Variants in CAPN7 observed in about 807,000 individuals in gnomAD.
CAPN7 encodes calpain-7.
CAPN7 carries 72 observed loss-of-function variants against 115.2 expected under a neutral mutation model. The ratio of observed to expected loss-of-function variants is 0.63; its 90% CI spans 0.52 to 0.76. The LOEUF is 0.76. Among genes scored for constraint, CAPN7 ranks in the 30% least tolerant of loss-of-function variants. CAPN7 has a pLI of 0.00. For missense variants in CAPN7, 905 were observed against 971.5 expected, an observed-to-expected ratio of 0.93 and a Z score of 0.91; for synonymous variants, 344 against 322.3, an observed-to-expected ratio of 1.07 and a Z score of -0.72.
chr3:15,206,476 C>T lies in CAPN7; in HGVS notation c.-20C>T. The T allele has an allele frequency of 1.3e-5, 20 of 1,529,418 alleles. No individual in the cohort carries two copies. The highest frequency in any genetic ancestry group is 5.1e-5 in the East Asian group (2 of 39,442). The allele number at this position is 1,529,418 out of a possible 1,614,324, so 94.7% of individuals were successfully genotyped here. ...TGCGTCAGGGCCTCCTTCCCTGCCC[C>T]GGCGCGGGGCCACTGCGCCATGGAC... is the stretch of plus-strand genomic sequence containing the variant. On this transcript the variant is annotated 5_prime_UTR_variant, in exon 1 of 21. Transcript: ENST00000253693.
At chr3:15,210,099 A>G (rs2044846611) in intron 1 of CAPN7, among the ~76,000 whole-genome samples, 1 of 151,824 alleles carries the variant, frequency 6.6e-6, no homozygotes, top group Admixed American at 6.6e-5. Flanking sequence ...CTCCTGGGCT[A>G]AAACAATCTT....
intron 1 of CAPN7, among the ~76,000 whole-genome samples, chr3:15,211,895 A>C (rs1423653681): frequency 6.6e-6 from 1 of 152,196 alleles, no homozygotes; most frequent in Non-Finnish European, 1.5e-5. Context: ...GTCTCAAAAA[A>C]GAAAAGTAAA....
intron 19 of CAPN7, among the ~76,000 whole-genome samples, chr3:15,249,062 A>G (rs1286828078): frequency 1.3e-5 from 2 of 151,324 alleles, no homozygotes; most frequent in South Asian, 2.1e-4. Flanking sequence ...ACTACCTTCT[A>G]AATAAGATTG....
chr3:15,210,736 C>A, intron 1 of CAPN7: 1 of 1,258,224 alleles, frequency 7.9e-7, no homozygotes, highest in Non-Finnish European at 1.0e-6. Context: ...GCTGGGACTA[C>A]TTTGTAGAGA....
chr3:15,206,562 G>C lies in CAPN7; in HGVS notation c.67G>C (p.Glu23Gln). 6.4e-7 allele frequency: 1 copy of C among 1,554,206 alleles called. No individual in the cohort carries two copies. Residue 23 changes from glutamate to glutamine, a missense_variant, in exon 1 of 21, where the codon GAA becomes CAA. Physicochemically the swap from Glu to Gln is conservative, Grantham distance 29 (BLOSUM62 2). Coordinates refer to ENST00000253693, the MANE Select transcript of CAPN7 (RefSeq NM_014296.3). ...CCGTCTGGCGGTTCAGCGCGACCAC[G>C]AAGGCCGCTACTCCGAGGCGGTGTT... ...FARLAVQRDH[E>Q]GRYSEAVFYY...
At chr3:15,235,365 G>T (rs1262240433) in intron 12 of CAPN7, among the ~76,000 whole-genome samples, 1 of 152,204 alleles carries the variant, frequency 6.6e-6, no homozygotes, top group African/African-American at 2.4e-5. Flanking sequence ...TGACAGAACA[G>T]AAATGCTGTT....
intron 7 of CAPN7, 145 bp from the exon 8 acceptor site, chr3:15,228,829 C>T (rs1263358958): frequency 5.0e-6 from 3 of 602,254 alleles, no homozygotes; most frequent in Non-Finnish European, 8.8e-6. Context: ...ATGTTACCTT[C>T]CACATGTACC....
intron 12 of CAPN7, among the ~76,000 whole-genome samples, chr3:15,239,881 C>T (rs1695237605): frequency 1.3e-5 from 2 of 152,066 alleles, no homozygotes; most frequent in South Asian, 4.1e-4. Context: ...GAAAGGGTAG[C>T]TAAAGGGATC....
Position 15,225,323 on chromosome 3 carries a change from C to T in CAPN7, c.725+1762C>T, listed in dbSNP as rs574172922. Among the ~76,000 whole-genome samples the T allele has an allele frequency of 1.8e-4, 28 of 152,162 alleles. 2 individuals are homozygous for T. In the South Asian group the frequency reaches 4.2e-3, roughly 23 times the overall value. On this transcript the variant is annotated intron_variant, in intron 6 of 20. Coordinates refer to ENST00000253693, the MANE Select transcript of CAPN7 (RefSeq NM_014296.3). ...TTAGAGATATACTCAAAAATTCGTA[C>T]GAAAGCGATTTATCATTGTTGTTAT...
At chr3:15,224,425 A>G (rs1694189107) in intron 6 of CAPN7, among the ~76,000 whole-genome samples, 1 of 152,058 alleles carries the variant, frequency 6.6e-6, no homozygotes, top group Non-Finnish European at 1.5e-5. Context: ...GGCATGCACC[A>G]TCACGCCCAG....
At chr3:15,241,645 C>T in intron 15 of CAPN7, 57 bp downstream of exon 15, 3 of 1,487,500 alleles carry the variant, frequency 2.0e-6, no homozygotes, top group Non-Finnish European at 2.8e-6. Context: ...ATAGTTAGAA[C>T]ATTGTGAAAG....
At chr3:15,241,273 C>G (rs1695331532) in intron 14 of CAPN7, among the ~76,000 whole-genome samples, 180 bp from the exon 15 acceptor site, 1 of 152,160 alleles carries the variant, frequency 6.6e-6, no homozygotes, top group Non-Finnish European at 1.5e-5. Flanking sequence ...GTCACGCCCA[C>G]AGTGACTATC....
chr3:15,244,853 A>G (rs1318565571), intron 16 of CAPN7, among the ~76,000 whole-genome samples: 2 of 152,202 alleles, frequency 1.3e-5, no homozygotes, highest in African/African-American at 4.8e-5. Flanking sequence ...ACAGGCAGTT[A>G]TAAGAAATAA....
intron 2 of CAPN7, among the ~76,000 whole-genome samples, chr3:15,215,460 C>A (rs541524227): frequency 1.3e-5 from 2 of 152,286 alleles, no homozygotes; most frequent in African/African-American, 4.8e-5. Flanking sequence ...GTTTTCATCA[C>A]CCCAAGAGAA....
At chr3:15,250,851 C>G in intron 19 of CAPN7, 80 bp from the exon 20 acceptor site, 1 of 975,396 alleles carries the variant, frequency 1.0e-6, no homozygotes, top group Admixed American at 2.0e-5. Flanking sequence ...AGTATGACAT[C>G]TGCACTTCAG....
intron 15 of CAPN7, 84 bp downstream of exon 15, chr3:15,241,672 G>C: frequency 8.5e-7 from 1 of 1,175,268 alleles, no homozygotes; most frequent in South Asian, 1.8e-5. Flanking sequence ...GTAAACACCA[G>C]CCTGTTTAAT....
chr3:15,227,735 C>G (rs1164336407), intron 6 of CAPN7, 104 bp from the exon 7 acceptor site: 3 of 615,852 alleles, frequency 4.9e-6, no homozygotes, highest in Admixed American at 4.0e-5. Flanking sequence ...TACAGTACTG[C>G]TATAATCACT....
chr3:15,231,598 C>T (rs920650501), intron 9 of CAPN7, among the ~76,000 whole-genome samples: 6 of 151,818 alleles, frequency 4.0e-5, no homozygotes, highest in Admixed American at 6.6e-5. Context: ...GGCACAATCT[C>T]GGCTCACTGC....
chr3:15,250,362 G>A (rs1695933518), intron 19 of CAPN7, among the ~76,000 whole-genome samples: 1 of 151,580 alleles, frequency 6.6e-6, no homozygotes, highest in African/African-American at 2.4e-5. Flanking sequence ...GTGACAGTGA[G>A]ACCCTGTCTC....
Sources: allele counts gnomAD v4.1 joint callset (sites outside exome capture counted in the v4.1 genomes callset), GRCh38; gene constraint gnomAD v4.1.1; transcripts MANE v1.5; gene names NCBI Gene and HGNC (gene_info 2026-07-23, HGNC 2026-07-21).